The following SIRT2 variants were observed in gnomAD, a reference collection of about 807,000 sequenced individuals.
The protein encoded by SIRT2 is sirtuin 2, also known as NAD-dependent protein deacetylase sirtuin-2.
SIRT2 carries 40 observed loss-of-function variants against 57.4 expected under a neutral mutation model. The ratio of observed to expected loss-of-function variants is 0.70; its 90% CI spans 0.54 to 0.91. SIRT2 has a LOEUF of 0.91. SIRT2 is among the 40% of genes least tolerant of loss of function. The probability of loss-of-function intolerance (pLI) is 0.00; values close to 1 mark genes in which losing one functional copy is unlikely to be tolerated. For missense variants in SIRT2, 439 were observed against 510.4 expected (o/e 0.86, Z 1.35); for synonymous variants, 161 against 195.7 (o/e 0.82, Z 1.48).
intron 14 of SIRT2, 40 bp from the exon 15 acceptor site, chr19:38,879,540 GC>G: frequency 6.4e-7 from 1 of 1,569,594 alleles, no homozygotes; most frequent in Non-Finnish European, 8.6e-7. Context: ...AGGCGGGCTC[GC>G]CCCTGCCTGC....
intron 13 of SIRT2, 93 bp from the exon 14 acceptor site, chr19:38,879,795 G>GC: frequency 2.3e-6 from 2 of 864,030 alleles, no homozygotes; most frequent in Middle Eastern, 2.4e-4. Context: ...TTGTATCCTA[G>GC]CTCTGTGACT....
intron 2 of SIRT2, among the ~76,000 whole-genome samples, chr19:38,896,961 G>A (rs997976655): frequency 2.0e-5 from 3 of 152,250 alleles, no homozygotes; most frequent in South Asian, 2.1e-4. Flanking sequence ...AGGTGCTGAC[G>A]GGGGCCTTCA....
At chr19:38,879,753 G>C in intron 13 of SIRT2, 51 bp from the exon 14 acceptor site, 1 of 1,414,342 alleles carries the variant, frequency 7.1e-7, no homozygotes. Flanking sequence ...GGAGAGCTAA[G>C]AGCACAGACC....
At chr19:38,891,581 T>C (rs889223558) in intron 4 of SIRT2, among the ~76,000 whole-genome samples, 5 of 151,928 alleles carry the variant, frequency 3.3e-5, no homozygotes, top group African/African-American at 1.2e-4. Flanking sequence ...TTTAGAGCAG[T>C]GAGGTGAGGG....
intron 4 of SIRT2, chr19:38,892,029 G>A (rs1422709374): frequency 2.4e-6 from 1 of 411,934 alleles, no homozygotes; most frequent in African/African-American, 2.1e-5. Flanking sequence ...ACCACAAAGG[G>A]TCGATTGTTC....
At chr19:38,885,892 GTTTTCT>G (rs1211707940) in intron 8 of SIRT2, among the ~76,000 whole-genome samples, 3 of 152,102 alleles carry the variant, frequency 2.0e-5, no homozygotes, top group African/African-American at 7.2e-5. Flanking sequence ...CCCGGCCACT[GTTTTCT>G]TTTAAGACAG....
rs1231558621 is a variant in SIRT2, at chr19:38,879,441, C to T, written c.1007G>A (p.Gly336Glu). 2 of 1,594,712 alleles carry T rather than the reference C, an allele frequency of 1.3e-6. No homozygotes were observed. Among genetic ancestry groups the T allele is most frequent in the African/African-American group, 2.7e-5 (2 of 74,544 alleles). ...GGTTGCTCAGCTCCTCACCTTCCAT[C>T]CAAGGAGCTCAGCAAGGGCCAGGCA... ...QGCLALAELL[G>E]WKKELEDLVR... Residue 336 changes from glycine to glutamate, a missense_variant, in exon 15 of 16, where the codon GGA becomes GAA. Transcript: ENST00000249396.
chr19:38,896,743 A>G (rs1376510782), intron 2 of SIRT2, among the ~76,000 whole-genome samples: 1 of 152,214 alleles, frequency 6.6e-6, no homozygotes, highest in Non-Finnish European at 1.5e-5. Flanking sequence ...GTGAGTTGCC[A>G]CAGCCTAACA....
chr19:38,898,360 A>T lies in SIRT2; in HGVS notation c.63+19T>A. On this transcript the variant is annotated intron_variant, in intron 2 of 15. Transcript: ENST00000249396. ...CAAGTCCGTCTCTCTCCTCCCCTCC[A>T]CCCTTTCCCCCATCTCACCTGAGCC... 6.8e-7 allele frequency: 1 copy of T among 1,469,288 alleles called. No homozygotes were observed. The highest frequency in any genetic ancestry group is 2.1e-4 in the Middle Eastern group (1 of 4,674). 91.0% of individuals were successfully genotyped at this position (1,469,288 alleles called of 1,614,324 possible). A position where few individuals can be genotyped will look rare whatever the true frequency, so the allele number is the denominator to read the frequency against.
intron 10 of SIRT2, 121 bp from the exon 11 acceptor site, chr19:38,881,276 G>C: frequency 8.5e-7 from 1 of 1,174,408 alleles, no homozygotes; most frequent in Non-Finnish European, 1.2e-6. Flanking sequence ...ACCGGCCAGG[G>C]GCACAGACCC....
chr19:38,889,969 A>T lies in SIRT2; in HGVS notation c.269-8T>A. On this transcript the variant is annotated splice_polypyrimidine_tract_variant and splice_region_variant and intron_variant, in intron 5 of 15. Coordinates refer to ENST00000249396, the MANE Select transcript of SIRT2 (RefSeq NM_012237.4). ...AGTCGGGGATGCCTGCGGCTAGGAA[A>T]GGGGGGTCAGGGAGCAGTTGGTCTA... 6.2e-7 allele frequency: 1 copy of T among 1,613,554 alleles called. No individual in the cohort carries two copies. Among genetic ancestry groups the T allele is most frequent in the Non-Finnish European group, 8.5e-7 (1 of 1,179,468 alleles).
At chr19:38,886,320 C>G (rs1285712329) in intron 8 of SIRT2, among the ~76,000 whole-genome samples, 2 of 152,194 alleles carry the variant, frequency 1.3e-5, no homozygotes, top group Non-Finnish European at 1.5e-5. Flanking sequence ...TGGTACTTGA[C>G]TCAGTCTACC....
At chr19:38,885,696 T>C (rs998343413) in intron 8 of SIRT2, among the ~76,000 whole-genome samples, 11 of 151,516 alleles carry the variant, frequency 7.3e-5, no homozygotes, top group Non-Finnish European at 1.5e-4. Context: ...GTTCAAGTGA[T>C]TCTCCTGCCT....
chr19:38,894,025 T>C, intron 2 of SIRT2, 158 bp from the exon 3 acceptor site: 1 of 1,445,942 alleles, frequency 6.9e-7, no homozygotes, highest in Non-Finnish European at 9.2e-7. Flanking sequence ...TCCAGGGCTC[T>C]GGGACAGGCT....
At chr19:38,889,790 A>G (rs1973465830) in intron 6 of SIRT2, 45 bp from the exon 7 acceptor site, 1 of 1,613,918 alleles carries the variant, frequency 6.2e-7, no homozygotes. Context: ...AGGTAGCGTG[A>G]GGGTTGGAGC....
At chr19:38,889,616 C>A (rs1973457979) in intron 7 of SIRT2, 73 bp downstream of exon 7, 2 of 1,543,112 alleles carry the variant, frequency 1.3e-6, no homozygotes, top group African/African-American at 2.7e-5. Flanking sequence ...GTCTGCAGGG[C>A]CTTGGCGGGG....
rs938330210 is a variant in SIRT2 at position 38,889,522 on chromosome 19, G to A, written c.432+167C>T. 1.3e-4 allele frequency: 93 copies of A among 741,210 alleles called. No individual in the cohort carries two copies. In the East Asian group the frequency reaches 1.3e-3, roughly 10 times the overall value. 45.9% of individuals were successfully genotyped at this position (741,210 alleles called of 1,614,324 possible). ...GGAGGCAAATCGGAGGCTCAAGGTC[G>A]TAAGATGAAGACACGAGGAACCAGG... On this transcript the variant is annotated intron_variant, in intron 7 of 15. Coordinates refer to ENST00000249396, the MANE Select transcript of SIRT2 (RefSeq NM_012237.4).
Position 38,881,454 on chromosome 19 carries a change from G to A in SIRT2, c.669C>T (p.Asp223=). Residue 223 remains aspartate (D), a synonymous_variant, in exon 10 of 16, where the codon GAC becomes GAT. Transcript: ENST00000249396. ...CACCAGGCTTCACCAGGCTCTGACA[G>A]TCTTCACACTTGGGCGTCACCTCAG... The part of the protein sequence containing the change: ...IFSEVTPKCE[D]CQSLVKPDIV... The A allele has an allele frequency of 6.2e-7, 1 of 1,614,104 alleles. No individual in the cohort carries two copies. Among genetic ancestry groups the A allele is most frequent in the East Asian group, 2.2e-5 (1 of 44,856 alleles).
chr19:38,896,673 G>A (rs114163120), intron 2 of SIRT2, among the ~76,000 whole-genome samples: 47 of 152,328 alleles, frequency 3.1e-4, no homozygotes, highest in African/African-American at 1.1e-3. Context: ...TGGGACTGAG[G>A]ATCCTTTTTA....
Sources: gnomAD v4.1 joint callset for allele counts (sites outside exome capture counted in the v4.1 genomes callset) on GRCh38, gnomAD v4.1.1 for gene constraint, MANE v1.5 for transcripts, NCBI Gene and HGNC (gene_info 2026-07-23, HGNC 2026-07-21) for gene names.